BTBD7: variants seen among roughly 807,000 people sequenced by gnomAD.
BTBD7 encodes the protein BTB domain containing 7, also known as BTB/POZ domain-containing protein 7.
In BTBD7, 38 loss-of-function variants were observed where a neutral mutation model predicts 99.9. That is an observed-to-expected ratio of 0.38 (90% confidence interval 0.29 to 0.50). The LOEUF is 0.50. BTBD7 is among the 20% of genes least tolerant of loss of function. The pLI, the probability that BTBD7 is intolerant of heterozygous loss-of-function variation, is 0.93. For missense variants in BTBD7, 1,170 were observed against 1,394.6 expected, an observed-to-expected ratio of 0.84 and a Z score of 2.57; for synonymous variants, 520 against 511.4, an observed-to-expected ratio of 1.02 and a Z score of -0.23.
intron 3 of BTBD7, among the ~76,000 whole-genome samples, chr14:93,279,946 A>T (rs1376446963): frequency 6.6e-6 from 1 of 152,086 alleles, no homozygotes; most frequent in Non-Finnish European, 1.5e-5. Flanking sequence ...TTGCTTGAAA[A>T]CTAGGACAGC....
intron 4 of BTBD7, 58 bp downstream of exon 4, chr14:93,263,727 G>T: frequency 6.7e-7 from 1 of 1,492,454 alleles, no homozygotes; most frequent in Non-Finnish European, 9.3e-7. Context: ...ATAGAGCATA[G>T]ATGGGTTTCT....
At chr14:93,325,106 A>ATTTTTTTT (rs34523849) in intron 1 of BTBD7, among the ~76,000 whole-genome samples, 13 of 105,560 alleles carry the variant, frequency 1.2e-4, no homozygotes, top group South Asian at 3.1e-4. Flanking sequence ...GCATGCTCCA[A>ATTTTTTTT]TTTTTTTTTT....
intron 1 of BTBD7, among the ~76,000 whole-genome samples, chr14:93,329,970 A>G (rs116952641): frequency 1.7e-3 from 252 of 152,336 alleles, no homozygotes; most frequent in Non-Finnish European, 3.1e-3. Context: ...TGTGGATTTT[A>G]CCACAATTAA....
At chr14:93,326,240 G>A (rs1289476239) in intron 1 of BTBD7, among the ~76,000 whole-genome samples, 1 of 152,176 alleles carries the variant, frequency 6.6e-6, no homozygotes, top group Non-Finnish European at 1.5e-5. Flanking sequence ...GCCAAGGTTG[G>A]AGGACTGCTG....
intron 3 of BTBD7, among the ~76,000 whole-genome samples, chr14:93,281,753 A>G (rs187717110): frequency 4.6e-5 from 7 of 152,230 alleles, no homozygotes; most frequent in Non-Finnish European, 8.8e-5. Context: ...TGGCCACAGT[A>G]TATCACTAAT....
intron 1 of BTBD7, among the ~76,000 whole-genome samples, chr14:93,310,687 T>A (rs889726514): frequency 1.3e-5 from 2 of 151,536 alleles, no homozygotes; most frequent in African/African-American, 4.9e-5. Flanking sequence ...GAGGTTGCAG[T>A]GAGCTGAGAT....
chr14:93,313,639 A>G (rs1266665445), intron 1 of BTBD7, among the ~76,000 whole-genome samples: 1 of 151,966 alleles, frequency 6.6e-6, no homozygotes, highest in African/African-American at 2.4e-5. Flanking sequence ...TCTAGTGAAG[A>G]GGAAAGTATC....
chr14:93,261,958 A>AT (rs1453223208), intron 4 of BTBD7, among the ~76,000 whole-genome samples: 2 of 151,502 alleles, frequency 1.3e-5, no homozygotes, highest in African/African-American at 4.9e-5. Context: ...TTCCTATTTT[A>AT]TTTTTTCATT....
At chr14:93,316,356 T>C (rs1043591359) in intron 1 of BTBD7, among the ~76,000 whole-genome samples, 1 of 152,074 alleles carries the variant, frequency 6.6e-6, no homozygotes, top group African/African-American at 2.4e-5. Context: ...TTCAAACTCC[T>C]GGGCTCAAGT....
chr14:93,294,498 T>C lies in BTBD7; in HGVS notation c.522A>G (p.Ser174=), dbSNP rs1028113535. 1.2e-6 allele frequency: 2 copies of C among 1,614,010 alleles called. No homozygotes were observed. The highest frequency in any genetic ancestry group is 1.7e-6 in the Non-Finnish European group (2 of 1,180,036). Residue 174 remains serine, a synonymous_variant, in exon 3 of 11, where the codon TCA becomes TCG. Transcript: ENST00000334746. The part of the protein sequence containing the change: ...CPFFKTLLSS[S]PEYGAEIIMD... The stretch of plus-strand genomic sequence containing the variant: ...TTATTATCTCTGCCCCATACTCTGG[T>C]GAGGAAGAAAGCAGTGTTTTAAAAA...
intron 1 of BTBD7, among the ~76,000 whole-genome samples, chr14:93,308,928 G>C (rs1234944524): frequency 6.6e-6 from 1 of 152,120 alleles, no homozygotes; most frequent in Admixed American, 6.6e-5. Context: ...ACAACAATGT[G>C]AATGTACTTA....
At chr14:93,327,349 T>G (rs953352678) in intron 1 of BTBD7, among the ~76,000 whole-genome samples, 10 of 152,222 alleles carry the variant, frequency 6.6e-5, no homozygotes, top group Non-Finnish European at 1.3e-4. Context: ...CCAGTTGTAC[T>G]ATAGTTATTC....
intron 1 of BTBD7, among the ~76,000 whole-genome samples, chr14:93,309,710 A>G (rs1447694001): frequency 6.6e-6 from 1 of 152,154 alleles, no homozygotes; most frequent in Non-Finnish European, 1.5e-5. Flanking sequence ...ATTGTTGAAC[A>G]GTAAAATGTT....
rs1178204173 is a variant in BTBD7, at chr14:93,275,095, A to AC, written c.1163-11103dup. Among the ~76,000 whole-genome samples, 3 of 152,326 alleles carry AC rather than the reference A, an allele frequency of 2.0e-5. No homozygotes were observed. In the East Asian group the frequency reaches 5.8e-4, roughly 29 times the overall value. On this transcript the variant is annotated intron_variant, in intron 3 of 10. Coordinates refer to ENST00000334746, the MANE Select transcript of BTBD7 (RefSeq NM_001002860.4). ...AGGCTATGGTACACAGTGGGGGGCTACCTAAATTCTCAGGTGGAGTGAGAA... is the reference window on the plus strand; with the variant it reads ...AGGCTATGGTACACAGTGGGGGGCTACCCTAAATTCTCAGGTGGAGTGAGAA...
intron 3 of BTBD7, among the ~76,000 whole-genome samples, chr14:93,266,928 C>CATTTT (rs1378607494): frequency 6.6e-6 from 1 of 152,216 alleles, no homozygotes; most frequent in East Asian, 1.9e-4. Flanking sequence ...CAACAGTCGT[C>CATTTT]ATTTTATGAC....
intron 1 of BTBD7, among the ~76,000 whole-genome samples, chr14:93,314,399 T>C (rs2053175580): frequency 6.6e-6 from 1 of 152,228 alleles, no homozygotes; most frequent in Non-Finnish European, 1.5e-5. Flanking sequence ...CTCATATGTA[T>C]ATCAAAATTT....
chr14:93,314,703 T>C (rs753830058), intron 1 of BTBD7, among the ~76,000 whole-genome samples: 1 of 152,208 alleles, frequency 6.6e-6, no homozygotes, highest in Non-Finnish European at 1.5e-5. Context: ...GGTTAAAGGA[T>C]ATACATGTTT....
Position 93,246,184 on chromosome 14 carries a change from C to T in BTBD7, c.2224G>A (p.Glu742Lys). 3 of 1,613,408 alleles carry T rather than the reference C, an allele frequency of 1.9e-6. No individual in the cohort carries two copies. The highest frequency in any genetic ancestry group is 2.5e-6 in the Non-Finnish European group (3 of 1,179,728). Residue 742 changes from glutamate (E) to lysine (K), a missense_variant, in exon 10 of 11, where the codon GAA becomes AAA. Transcript: ENST00000334746. ...GAGTCCAGATCTGTAAACATGGTTTCTGCAGGAGGTGTACTGTTTACGCGA... is the reference window on the plus strand; with the variant it reads ...GAGTCCAGATCTGTAAACATGGTTTTTGCAGGAGGTGTACTGTTTACGCGA... The part of the protein sequence containing the change: ...RCRVNSTPPA[E>K]TMFTDLDSFV...
intron 1 of BTBD7, among the ~76,000 whole-genome samples, chr14:93,319,114 A>C (rs1225234157): frequency 6.6e-6 from 1 of 152,186 alleles, no homozygotes; most frequent in Non-Finnish European, 1.5e-5. Flanking sequence ...GGCTGAGATG[A>C]GGGATCACTT....
Sources: gnomAD v4.1 joint callset for allele counts (sites outside exome capture counted in the v4.1 genomes callset) on GRCh38, gnomAD v4.1.1 for gene constraint, MANE v1.5 for transcripts, NCBI Gene and HGNC (gene_info 2026-07-23, HGNC 2026-07-21) for gene names.